FBXO15: variants seen among roughly 807,000 people sequenced by gnomAD.
The protein encoded by FBXO15 is F-box protein 15.
In FBXO15, 30 loss-of-function variants were observed where a neutral mutation model predicts 49.5. That is an observed-to-expected ratio of 0.61 (90% CI 0.45 to 0.82). FBXO15 has a LOEUF of 0.82. FBXO15 is among the 40% of genes least tolerant of loss of function. The pLI is 0.00. For missense variants in FBXO15, 591 were observed against 631.5 expected, an observed-to-expected ratio of 0.94 and a Z score of 0.69; for synonymous variants, 250 against 232.7, an observed-to-expected ratio of 1.07 and a Z score of -0.68.
chr18:74,093,627 AG>A (rs1485312898), intron 8 of FBXO15, among the ~76,000 whole-genome samples: 2 of 152,228 alleles, frequency 1.3e-5, no homozygotes, highest in Non-Finnish European at 2.9e-5. Flanking sequence ...TTTTATCATG[AG>A]ATTAAAGCAA....
chr18:74,082,371 G>A (rs1458080270), intron 8 of FBXO15, among the ~76,000 whole-genome samples: 1 of 152,232 alleles, frequency 6.6e-6, no homozygotes, highest in Non-Finnish European at 1.5e-5. Flanking sequence ...TTCTTCTGAT[G>A]TGGGTAAGCC....
intron 8 of FBXO15, among the ~76,000 whole-genome samples, chr18:74,117,977 A>G (rs148296070): frequency 3.3e-5 from 5 of 151,446 alleles, no homozygotes; most frequent in East Asian, 2.0e-4. Flanking sequence ...ATGCGTATGG[A>G]TCCCAACATA....
intron 5 of FBXO15, among the ~76,000 whole-genome samples, chr18:74,126,697 C>T (rs1007532020): frequency 6.6e-6 from 1 of 152,214 alleles, no homozygotes; most frequent in Admixed American, 6.5e-5. Flanking sequence ...GCTGGGGCCA[C>T]ATCTCATTCA....
At chr18:74,099,428 C>T (rs1339051505) in intron 8 of FBXO15, 1 of 152,056 alleles carries the variant, frequency 6.6e-6, no homozygotes, top group Non-Finnish European at 1.5e-5. Flanking sequence ...AAAAGGAGGG[C>T]TAAATCTTGA....
chr18:74,079,958 A>G lies in FBXO15; in HGVS notation c.1263+1969T>C, dbSNP rs144483401. On this transcript the variant is annotated intron_variant, in intron 9 of 9. Transcript: ENST00000419743. ...CTTCCACCAGCATCGTATTTGGGTG[A>G]CGTACTTTCTCAGTAGCCTATGCTC... 3.1e-3 allele frequency among the ~76,000 whole-genome samples: 471 copies of G among 152,342 alleles called. 2 individuals are homozygous for G. Among genetic ancestry groups the G allele is most frequent in the African/African-American group, 0.011 (453 of 41,576 alleles).
In FBXO15 at chr18:74,123,506, A is replaced by G; in HGVS notation, c.1000T>C (p.Tyr334His). The change falls in exon 8 of 10, where the codon TAT becomes CAT. Residue 334 changes from tyrosine to histidine, a missense_variant. Coordinates refer to ENST00000419743, the MANE Select transcript of FBXO15 (RefSeq NM_001142958.2). ...AAGGGGCTATGTGGAGGCAGTTCAT[A>G]GGGGCTGAAAAGCAAAACAAAAGAA... is the stretch of plus-strand genomic sequence containing the variant. ...RSTLGSATIP[Y>H]ELPPHSPFLD... 6.3e-7 allele frequency: 1 copy of G among 1,590,924 alleles called. No homozygotes were observed. Among genetic ancestry groups the G allele is most frequent in the Non-Finnish European group, 8.5e-7 (1 of 1,174,348 alleles).
intron 8 of FBXO15, among the ~76,000 whole-genome samples, chr18:74,110,392 A>T (rs1204095794): frequency 1.3e-5 from 2 of 151,892 alleles, no homozygotes; most frequent in African/African-American, 4.8e-5. Flanking sequence ...TACAAGTTTA[A>T]AAAGAAGTAT....
At chr18:74,134,480 G>A (rs767532423) in intron 3 of FBXO15, among the ~76,000 whole-genome samples, 2 of 149,106 alleles carry the variant, frequency 1.3e-5, no homozygotes, top group African/African-American at 2.5e-5. Flanking sequence ...GCCACTCTCC[G>A]GCCTCAGCCT....
intron 8 of FBXO15, among the ~76,000 whole-genome samples, chr18:74,108,680 G>A: frequency 6.6e-6 from 1 of 152,112 alleles, no homozygotes; most frequent in Non-Finnish European, 1.5e-5. Context: ...TTAAAAGTCA[G>A]ACATCAAACC....
intron 8 of FBXO15, chr18:74,097,144 G>A (rs1194567450): frequency 6.6e-6 from 1 of 152,260 alleles, no homozygotes; most frequent in Non-Finnish European, 1.5e-5. Flanking sequence ...CTTGGGGAGG[G>A]TTGCCAGAGG....
At chr18:74,123,085 T>G in intron 8 of FBXO15, 3 of 289,932 alleles carry the variant, frequency 1.0e-5, no homozygotes, top group Non-Finnish European at 1.3e-5. Context: ...GCAGAGAGCA[T>G]GGAAAAATAA....
intron 9 of FBXO15, among the ~76,000 whole-genome samples, chr18:74,081,146 G>A (rs1225228965): frequency 1.3e-5 from 2 of 152,206 alleles, no homozygotes; most frequent in Non-Finnish European, 2.9e-5. Context: ...TCAAGGGACA[G>A]TGCTTCATGA....
At chr18:74,118,002 C>A (rs1053344687) in intron 8 of FBXO15, among the ~76,000 whole-genome samples, 1 of 148,682 alleles carries the variant, frequency 6.7e-6, no homozygotes, top group East Asian at 2.0e-4. Flanking sequence ...ATTCTACATA[C>A]ATATTTCTTT....
intron 8 of FBXO15, among the ~76,000 whole-genome samples, chr18:74,082,913 C>T (rs1219012377): frequency 1.3e-5 from 2 of 152,216 alleles, no homozygotes; most frequent in Non-Finnish European, 2.9e-5. Flanking sequence ...TGTTCTCCAG[C>T]CCTGGCCTGG....
chr18:74,092,749 G>A (rs1426090320), intron 8 of FBXO15, among the ~76,000 whole-genome samples: 2 of 152,172 alleles, frequency 1.3e-5, no homozygotes, highest in Non-Finnish European at 2.9e-5. Flanking sequence ...GAAACCTGCT[G>A]TGTCAGAAGA....
At chr18:74,121,276 G>A (rs1419794207) in intron 8 of FBXO15, among the ~76,000 whole-genome samples, 2 of 152,060 alleles carry the variant, frequency 1.3e-5, no homozygotes, top group Admixed American at 6.6e-5. Flanking sequence ...AAATCCAAGA[G>A]GAAAGAATAC....
intron 1 of FBXO15, among the ~76,000 whole-genome samples, chr18:74,144,279 TC>T (rs1979268101): frequency 1.3e-5 from 2 of 152,152 alleles, no homozygotes; most frequent in African/African-American, 2.4e-5. Context: ...AGTTAACAGA[TC>T]TGATTCATAG....
intron 8 of FBXO15, among the ~76,000 whole-genome samples, chr18:74,110,495 G>A (rs1330537174): frequency 6.6e-6 from 1 of 151,450 alleles, no homozygotes; most frequent in Admixed American, 6.6e-5. Context: ...TACATAAACA[G>A]GAATAAAGAA....
chr18:74,133,623 G>T (rs768167476), intron 3 of FBXO15, among the ~76,000 whole-genome samples: 5 of 152,174 alleles, frequency 3.3e-5, no homozygotes, highest in African/African-American at 9.7e-5. Context: ...TTGAGGCTGG[G>T]TAATCTGCAA....
Sources: allele counts gnomAD v4.1 joint callset (sites outside exome capture counted in the v4.1 genomes callset), GRCh38; gene constraint gnomAD v4.1.1; transcripts MANE v1.5; gene names NCBI Gene and HGNC (gene_info 2026-07-23, HGNC 2026-07-21).